The following PCOLCE2 variants were observed in gnomAD, a reference collection of about 807,000 sequenced individuals.
PCOLCE2 encodes procollagen C-proteinase enhancer 2.
PCOLCE2 carries 42 observed loss-of-function variants against 47.0 expected under a neutral mutation model. The observed-to-expected ratio is 0.89, with a 90% CI of 0.70 to 1.16. The LOEUF is 1.16. Among genes scored for constraint, PCOLCE2 ranks in the 50% most tolerant of loss-of-function variants. The pLI, the probability that PCOLCE2 is intolerant of heterozygous loss-of-function variation, is 0.00. For missense variants in PCOLCE2, 500 were observed against 526.1 expected (o/e 0.95, Z 0.49); for synonymous variants, 169 against 191.7 (o/e 0.88, Z 0.98).
At chr3:142,884,386 C>T (rs6794853) in intron 2 of PCOLCE2, among the ~76,000 whole-genome samples, 7,695 of 152,164 alleles carry the variant, frequency 0.051, 642 homozygotes, top group African/African-American at 0.17. Context: ...TTATATATAC[C>T]TTAGCTGTCA....
chr3:142,819,103 C>A (rs1936984865), intron 8 of PCOLCE2, among the ~76,000 whole-genome samples: 1 of 152,190 alleles, frequency 6.6e-6, no homozygotes, highest in African/African-American at 2.4e-5. Context: ...GCTACGCAAG[C>A]TTCTTGAGGG....
intron 2 of PCOLCE2, among the ~76,000 whole-genome samples, chr3:142,879,885 A>G (rs956881273): frequency 2.4e-4 from 36 of 148,794 alleles, no homozygotes; most frequent in African/African-American, 7.1e-4. Context: ...GCAAGAGAAT[A>G]GTGTGAACCC....
chr3:142,869,442 T>A (rs995719633), intron 2 of PCOLCE2, among the ~76,000 whole-genome samples: 2 of 152,194 alleles, frequency 1.3e-5, no homozygotes, highest in African/African-American at 4.8e-5. Flanking sequence ...TGAAATGGCC[T>A]TGCAAAGCTG....
At chr3:142,852,718 T>G (rs948292795) in intron 2 of PCOLCE2, among the ~76,000 whole-genome samples, 4 of 148,558 alleles carry the variant, frequency 2.7e-5, no homozygotes, top group Non-Finnish European at 5.9e-5. Flanking sequence ...TATACACACA[T>G]AAGTATTTAT....
chr3:142,839,754 AAT>A (rs1212214754), intron 4 of PCOLCE2, among the ~76,000 whole-genome samples: 3 of 152,212 alleles, frequency 2.0e-5, no homozygotes, highest in Non-Finnish European at 4.4e-5. Flanking sequence ...GCACATGATA[AAT>A]ATATATGTTG....
At chr3:142,843,603 C>G (rs948235035) in intron 3 of PCOLCE2, among the ~76,000 whole-genome samples, 3 of 151,698 alleles carry the variant, frequency 2.0e-5, no homozygotes, top group Admixed American at 2.0e-4. Context: ...AAATATACCC[C>G]CAAATCCCCA....
At chr3:142,882,362 C>T (rs949104747) in intron 2 of PCOLCE2, among the ~76,000 whole-genome samples, 1 of 151,958 alleles carries the variant, frequency 6.6e-6, no homozygotes, top group Non-Finnish European at 1.5e-5. Flanking sequence ...ATATTTTCTT[C>T]ATAAAGGGAT....
At chr3:142,822,399 A>G (rs181812215) in intron 7 of PCOLCE2, among the ~76,000 whole-genome samples, 39 of 152,276 alleles carry the variant, frequency 2.6e-4, no homozygotes, top group Non-Finnish European at 3.4e-4. Context: ...AAGCGGTCAC[A>G]TTAATGGAAT....
intron 5 of PCOLCE2, among the ~76,000 whole-genome samples, chr3:142,832,068 T>C (rs917756123): frequency 3.9e-5 from 6 of 152,238 alleles, no homozygotes; most frequent in South Asian, 4.1e-4. Flanking sequence ...TCATGTGGTA[T>C]AGAGCCAGTT....
intron 6 of PCOLCE2, among the ~76,000 whole-genome samples, chr3:142,828,289 C>T (rs889983689): frequency 4.6e-5 from 7 of 152,182 alleles, no homozygotes; most frequent in African/African-American, 1.2e-4. Context: ...GTCTGACACA[C>T]CACGGGAAGG....
In PCOLCE2 at chr3:142,820,987, G is replaced by C. The variant is rs1351351704; in HGVS notation, c.1008C>G (p.Val336=). 6.2e-7 allele frequency: 1 copy of C among 1,613,912 alleles called. No homozygotes were observed. Among genetic ancestry groups the C allele is most frequent in the South Asian group, 1.1e-5 (1 of 91,060 alleles). ...CCTCTTTGTAGATGTTGATGATCGA[G>C]ACTGTGGCGTGCAAACTCCCATCGC... ...ITRDGSLHAT[V]SIINIYKEGN... The change falls in exon 8 of 9, where the codon GTC becomes GTG. Residue 336 remains valine, a synonymous_variant. Transcript: ENST00000295992.
intron 2 of PCOLCE2, among the ~76,000 whole-genome samples, chr3:142,866,689 C>T (rs1023780998): frequency 2.6e-5 from 4 of 152,152 alleles, no homozygotes; most frequent in African/African-American, 4.8e-5. Flanking sequence ...TAAGCTTCTA[C>T]AAAAAACACA....
At chr3:142,821,858 G>C (rs1578027004) in intron 7 of PCOLCE2, among the ~76,000 whole-genome samples, 1 of 151,998 alleles carries the variant, frequency 6.6e-6, no homozygotes, top group East Asian at 1.9e-4. Context: ...CATTCTGGGG[G>C]CTTGAGCAAG....
At chr3:142,838,933 C>A in intron 4 of PCOLCE2, 27 bp from the exon 5 acceptor site, 1 of 1,565,516 alleles carries the variant, frequency 6.4e-7, no homozygotes. Context: ...ATAGAAGTGT[C>A]AAATATTAAT....
intron 2 of PCOLCE2, among the ~76,000 whole-genome samples, chr3:142,869,029 C>T (rs1020481449): frequency 6.6e-6 from 1 of 152,120 alleles, no homozygotes; most frequent in African/African-American, 2.4e-5. Context: ...CGGTGGCTCA[C>T]GCCTGTAATC....
rs899843592 is a variant in PCOLCE2, at chr3:142,889,040, C to CA, written c.-145dup. The CA allele has an allele frequency of 3.0e-5, 12 of 402,620 alleles. No homozygotes were observed. The highest frequency in any genetic ancestry group is 4.8e-5 in the Non-Finnish European group (11 of 230,454). 24.9% of individuals were successfully genotyped at this position (402,620 alleles called of 1,614,324 possible). ...GCTCGGCTGCCCGCGCGCTCCCTCT[C>CA]ACGCGCGCACCGCCGCGGGGCGGCC... On this transcript the variant is annotated 5_prime_UTR_variant, in exon 1 of 9. Transcript: ENST00000295992.
intron 5 of PCOLCE2, among the ~76,000 whole-genome samples, chr3:142,830,322 G>A (rs992993441): frequency 3.3e-5 from 5 of 152,228 alleles, no homozygotes; most frequent in African/African-American, 1.2e-4. Flanking sequence ...GGTTTGCCAT[G>A]TTGGCTACAG....
chr3:142,885,648 T>G (rs1310041805), intron 2 of PCOLCE2, among the ~76,000 whole-genome samples: 6 of 152,162 alleles, frequency 3.9e-5, no homozygotes, highest in African/African-American at 1.4e-4. Flanking sequence ...TTCTTCATCT[T>G]CTCTGCTACC....
intron 2 of PCOLCE2, among the ~76,000 whole-genome samples, chr3:142,877,907 G>A (rs1431852977): frequency 6.6e-6 from 1 of 152,150 alleles, no homozygotes; most frequent in Non-Finnish European, 1.5e-5. Context: ...CTGATCTCTG[G>A]TAGGTACTTT....
Sources: allele counts gnomAD v4.1 joint callset (sites outside exome capture counted in the v4.1 genomes callset), GRCh38; gene constraint gnomAD v4.1.1; transcripts MANE v1.5; gene names NCBI Gene and HGNC (gene_info 2026-07-23, HGNC 2026-07-21).